The following HDAC9 variants were observed in gnomAD, a reference collection of about 807,000 sequenced individuals.
The protein encoded by HDAC9 is histone deacetylase 9.
A neutral mutation model predicts 139.4 loss-of-function variants in HDAC9; 41 were observed. The observed-to-expected ratio is 0.29, with a 90% CI of 0.23 to 0.38. HDAC9 has a LOEUF of 0.38. HDAC9 is among the 10% of genes least tolerant of loss of function. HDAC9 has a pLI of 1.00. For missense variants in HDAC9, 1,147 were observed against 1,297.0 expected (o/e 0.88, Z 1.78); for synonymous variants, 517 against 476.2 (o/e 1.09, Z -1.12).
At chr7:18,628,384 C>G (rs1216836499) in intron 6 of HDAC9, among the ~76,000 whole-genome samples, 1 of 151,956 alleles carries the variant, frequency 6.6e-6, no homozygotes, top group Admixed American at 6.6e-5. Flanking sequence ...TATGGTTAAA[C>G]AAGTTGATAT....
At chr7:18,742,996 C>T (rs1027746677) in intron 13 of HDAC9, among the ~76,000 whole-genome samples, 1 of 151,958 alleles carries the variant, frequency 6.6e-6, no homozygotes, top group Non-Finnish European at 1.5e-5. Context: ...ATTTTGCTTC[C>T]TATAGTAAAT....
chr7:18,876,932 C>T (rs1045564049), intron 22 of HDAC9, among the ~76,000 whole-genome samples: 1 of 152,026 alleles, frequency 6.6e-6, no homozygotes, highest in African/African-American at 2.4e-5. Flanking sequence ...GAACTCCTGA[C>T]CTCAGGTGAT....
In HDAC9 at chr7:18,460,810, A is replaced by AG. The variant is rs1793778497; in HGVS notation, c.-41-35450dup. On this transcript the variant is annotated intron_variant, in intron 1 of 3. Coordinates refer to the HDAC9 transcript ENST00000413509. Reference sequence around the variant, plus strand: ...TCTCAAAAAAAAAAAAAAAAAAAAAAGGAGTGGATTATCCTGAACCCAAAT... The same window carrying AG: ...TCTCAAAAAAAAAAAAAAAAAAAAAAGGGAGTGGATTATCCTGAACCCAAAT... 3.3e-5 allele frequency among the ~76,000 whole-genome samples: 5 copies of AG among 150,620 alleles called. No homozygotes were observed. In the South Asian group the frequency reaches 1.0e-3, roughly 31 times the overall value.
chr7:18,244,777 G>A (rs1341183379), intron 2 of HDAC9, among the ~76,000 whole-genome samples: 2 of 151,638 alleles, frequency 1.3e-5, no homozygotes, highest in East Asian at 1.9e-4. Flanking sequence ...CAGCCTGTGC[G>A]ACAGAGTGAG....
chr7:18,546,490 A>G (rs765411099), intron 2 of HDAC9, among the ~76,000 whole-genome samples: 23 of 152,204 alleles, frequency 1.5e-4, no homozygotes, highest in African/African-American at 4.3e-4. Context: ...GAGATACTCA[A>G]TAAATTATAG....
chr7:18,995,922 C>T (rs1585525439), intron 25 of HDAC9, 101 bp from the exon 26 acceptor site: 2 of 805,696 alleles, frequency 2.5e-6, no homozygotes, highest in East Asian at 2.7e-5. Flanking sequence ...CACAAATAAA[C>T]ATCAGAGAGA....
At chr7:18,311,093 G>GTGATGA (rs1554367397) in intron 1 of HDAC9, among the ~76,000 whole-genome samples, 2 of 151,156 alleles carry the variant, frequency 1.3e-5, no homozygotes, top group East Asian at 3.9e-4. Context: ...CTGGAGAGAG[G>GTGATGA]TGATGATGAT....
chr7:18,886,782 C>T (rs989540089), intron 22 of HDAC9, among the ~76,000 whole-genome samples: 21 of 152,024 alleles, frequency 1.4e-4, no homozygotes, highest in Non-Finnish European at 1.5e-5. Context: ...AAAATATTGC[C>T]AGGGACAAAT....
intron 2 of HDAC9, among the ~76,000 whole-genome samples, chr7:18,518,779 C>G (rs1281637860): frequency 1.3e-5 from 2 of 152,214 alleles, no homozygotes; most frequent in African/African-American, 4.8e-5. Context: ...TCATAGATAT[C>G]TTTAAAATCA....
chr7:18,712,166 A>C (rs1043048287), intron 12 of HDAC9, among the ~76,000 whole-genome samples: 1 of 152,148 alleles, frequency 6.6e-6, no homozygotes, highest in African/African-American at 2.4e-5. Flanking sequence ...ATTTAAATAT[A>C]ATCACATTTT....
chr7:18,403,716 A>C (rs1236909706), intron 1 of HDAC9, among the ~76,000 whole-genome samples: 2 of 152,242 alleles, frequency 1.3e-5, no homozygotes, highest in African/African-American at 4.8e-5. Flanking sequence ...CTGGTACACC[A>C]TGGTGAGCAA....
intron 2 of HDAC9, among the ~76,000 whole-genome samples, chr7:18,553,267 A>G (rs970646569): frequency 5.9e-5 from 9 of 152,038 alleles, no homozygotes; most frequent in Non-Finnish European, 1.3e-4. Context: ...TTTAACTCAG[A>G]ACTGTGTTTA....
chr7:18,878,744 C>T (rs1799508139), intron 22 of HDAC9, among the ~76,000 whole-genome samples: 1 of 151,534 alleles, frequency 6.6e-6, no homozygotes, highest in South Asian at 2.1e-4. Context: ...CCCTTGAAAA[C>T]TGGCATAAGA....
Position 18,496,011 on chromosome 7 carries a change from G to C in HDAC9, c.-54G>C. 2.8e-6 allele frequency: 4 copies of C among 1,418,058 alleles called. No homozygotes were observed. In the South Asian group the frequency reaches 4.8e-5, roughly 17 times the overall value. 87.8% of individuals were successfully genotyped at this position (1,418,058 alleles called of 1,614,324 possible). A position where few individuals can be genotyped will look rare whatever the true frequency, so the allele number is the denominator to read the frequency against. On this transcript the variant is annotated 5_prime_UTR_variant, in exon 1 of 26. Transcript: ENST00000686413. Reference sequence around the variant, plus strand: ...CTATAGCATCCACTCTGTCCTTTCTGCTTTGCACACAGGTTGGTAACATGG... The same window carrying C: ...CTATAGCATCCACTCTGTCCTTTCTCCTTTGCACACAGGTTGGTAACATGG...
intron 1 of HDAC9, among the ~76,000 whole-genome samples, chr7:18,310,805 C>T (rs1270563474): frequency 8.4e-6 from 1 of 118,872 alleles, no homozygotes; most frequent in South Asian, 2.7e-4. Context: ...TTGTACAAAT[C>T]CATTACACAC....
intron 2 of HDAC9, among the ~76,000 whole-genome samples, chr7:18,253,605 A>G (rs1795062268): frequency 6.6e-6 from 1 of 152,180 alleles, no homozygotes; most frequent in Non-Finnish European, 1.5e-5. Context: ...GAACTGACAA[A>G]CCACAATCTT....
chr7:18,824,417 A>G (rs7808313), intron 17 of HDAC9, among the ~76,000 whole-genome samples: 11 of 152,164 alleles, frequency 7.2e-5, no homozygotes, highest in Non-Finnish European at 1.3e-4. Context: ...AGTTTAACCC[A>G]GATAAGAAGG....
At chr7:18,787,369 A>G (rs565895113) in intron 16 of HDAC9, among the ~76,000 whole-genome samples, 11 of 152,320 alleles carry the variant, frequency 7.2e-5, no homozygotes, top group Admixed American at 1.3e-4. Flanking sequence ...GATGTATGTT[A>G]GGTCCAGACC....
At chr7:18,375,509 A>G (rs1039303273) in intron 1 of HDAC9, among the ~76,000 whole-genome samples, 1 of 151,982 alleles carries the variant, frequency 6.6e-6, no homozygotes, top group African/African-American at 2.4e-5. Flanking sequence ...AAGAGAATTT[A>G]TATAATGCGG....
Sources: gnomAD v4.1 joint callset for allele counts (sites outside exome capture counted in the v4.1 genomes callset) on GRCh38, gnomAD v4.1.1 for gene constraint, MANE v1.5 for transcripts, NCBI Gene and HGNC (gene_info 2026-07-23, HGNC 2026-07-21) for gene names.